TPGS1: variants seen among roughly 807,000 people sequenced by gnomAD.
TPGS1 encodes the protein tubulin polyglutamylase complex subunit 1.
In TPGS1, 18 loss-of-function variants were observed where a neutral mutation model predicts 11.9. The ratio of observed to expected loss-of-function variants is 1.51; its 90% CI spans 1.04 to 2.24. The LOEUF (loss-of-function observed/expected upper bound fraction) is 2.24, where lower values mean the gene tolerates loss of function less well. TPGS1 is among the 30% of genes most tolerant of loss of function. The pLI is 0.00. For missense variants in TPGS1, 500 were observed against 443.0 expected, an observed-to-expected ratio of 1.13 and a Z score of -1.16; for synonymous variants, 247 against 218.2, an observed-to-expected ratio of 1.13 and a Z score of -1.16.
At position 519,359 on chromosome 19, in the gene TPGS1, C is replaced by T; in HGVS notation, c.809C>T (p.Thr270Ile). ...VGGRRPSAPM[T>I]REEFLERAAA... is the part of the protein sequence containing the mutation. ...GGGCGGCGGCCCAGCGCGCCCATGA[C>T]CCGCGAGGAGTTTCTGGAGAGGGCC... The change falls in exon 2 of 2, where the codon ACC becomes ATC. Residue 270 changes from threonine (T) to isoleucine (I), a missense_variant. Physicochemically the swap from Thr to Ile is moderately conservative, Grantham distance 89. Coordinates refer to ENST00000359315, the MANE Select transcript of TPGS1 (RefSeq NM_033513.3). 8.2e-7 allele frequency: 1 copy of T among 1,213,558 alleles called. No homozygotes were observed. The highest frequency in any genetic ancestry group is 1.0e-6 in the Non-Finnish European group (1 of 975,484). The allele number at this position is 1,213,558 out of a possible 1,614,324, so 75.2% of individuals were successfully genotyped here.
rs1291903625 is a variant in TPGS1, at chr19:514,920, G to A, written c.339-3969G>A. 2.6e-5 allele frequency among the ~76,000 whole-genome samples: 4 copies of A among 152,200 alleles called. No homozygotes were observed. In the East Asian group the frequency reaches 5.8e-4, roughly 22 times the overall value. On this transcript the variant is annotated intron_variant, in intron 1 of 1. Transcript: ENST00000359315. Reference sequence around the variant, plus strand: ...CCTGGTGCCCTCCACGGGAGTGTGTGTCACACTACCAGCACACGAGTGGCA... The same window carrying A: ...CCTGGTGCCCTCCACGGGAGTGTGTATCACACTACCAGCACACGAGTGGCA...
chr19:511,653 G>A (rs952518906), intron 1 of TPGS1, among the ~76,000 whole-genome samples: 9 of 152,272 alleles, frequency 5.9e-5, no homozygotes, highest in African/African-American at 1.9e-4. Flanking sequence ...CCTGCACACC[G>A]AGGGGCCGCG....
intron 1 of TPGS1, among the ~76,000 whole-genome samples, chr19:511,930 G>T (rs1276081368): frequency 6.6e-6 from 1 of 152,154 alleles, no homozygotes; most frequent in Non-Finnish European, 1.5e-5. Flanking sequence ...GGAGTGCAGT[G>T]GCGCGATCTC....
intron 1 of TPGS1, among the ~76,000 whole-genome samples, chr19:510,716 G>A (rs146539977): frequency 6.9e-4 from 105 of 152,322 alleles, no homozygotes; most frequent in African/African-American, 2.4e-3. Context: ...GTGCAGCCCC[G>A]GAGGCCTCCT....
At chr19:512,615 G>A (rs1450440643) in intron 1 of TPGS1, among the ~76,000 whole-genome samples, 2 of 152,280 alleles carry the variant, frequency 1.3e-5, no homozygotes, top group African/African-American at 4.8e-5. Context: ...GCAAGGCCCA[G>A]AGGCTCACCC....
At position 519,302 on chromosome 19, in the gene TPGS1, G is replaced by C; in HGVS notation, c.752G>C (p.Ser251Thr). 3 of 1,188,894 alleles carry C rather than the reference G, an allele frequency of 2.5e-6. No individual in the cohort carries two copies. Among genetic ancestry groups the C allele is most frequent in the Non-Finnish European group, 2.1e-6 (2 of 961,370 alleles). 73.6% of individuals were successfully genotyped at this position (1,188,894 alleles called of 1,614,324 possible). The change falls in exon 2 of 2, where the codon AGC (serine) becomes ACC (threonine). Residue 251 changes from serine (S) to threonine (T), a missense_variant. Physicochemically the swap from Ser to Thr is moderately conservative, Grantham distance 58. Transcript: ENST00000359315. ...LEAGSRLGPD[S>T]LALALDRAVG... is the part of the protein sequence containing the mutation. ...GCCGGCTCGCGCTTGGGGCCCGACA[G>C]CCTGGCGCTGGCGCTGGACCGCGCC...
At chr19:507,915 C>A in intron 1 of TPGS1, 71 bp downstream of exon 1, 1 of 1,206,126 alleles carries the variant, frequency 8.3e-7, no homozygotes, top group Non-Finnish European at 1.1e-6. Flanking sequence ...GCGCGCGGCT[C>A]CCTACCCGCA....
chr19:512,578 G>GC (rs1414470451), intron 1 of TPGS1, among the ~76,000 whole-genome samples: 1 of 152,134 alleles, frequency 6.6e-6, no homozygotes, highest in East Asian at 1.9e-4. Context: ...AGTGGGCCAC[G>GC]CCCCCTCGCA....
chr19:518,621 G>T (rs1460155725), intron 1 of TPGS1, among the ~76,000 whole-genome samples: 2 of 131,032 alleles, frequency 1.5e-5, no homozygotes, highest in African/African-American at 3.0e-5. Context: ...CCCGGGCTGG[G>T]GATGCTTGGG....
Position 518,630 on chromosome 19 carries a change from G to C in TPGS1, c.339-259G>C, listed in dbSNP as rs576829854. Among the ~76,000 whole-genome samples, 13 of 138,964 alleles carry C rather than the reference G, an allele frequency of 9.4e-5. 1 individual carries two copies. The East Asian group carries it at 1.3e-3, about 14-fold the overall frequency. 91.2% of individuals were successfully genotyped at this position (138,964 alleles called of 152,430 possible). ...GAGAGGCCCGGGCTGGGGATGCTTG[G>C]GGGAGGAGAGGCCCGGGCTGGGGAT... On this transcript the variant is annotated intron_variant, in intron 1 of 1. Coordinates refer to ENST00000359315, the MANE Select transcript of TPGS1 (RefSeq NM_033513.3).
chr19:507,891 A>C, intron 1 of TPGS1, 47 bp downstream of exon 1: 1 of 1,263,092 alleles, frequency 7.9e-7, no homozygotes, highest in South Asian at 2.5e-5. Flanking sequence ...ATGGACTTCA[A>C]CTCCCAGCAT....
At chr19:514,597 A>G (rs1978897413) in intron 1 of TPGS1, among the ~76,000 whole-genome samples, 1 of 152,212 alleles carries the variant, frequency 6.6e-6, no homozygotes, top group South Asian at 2.1e-4. Flanking sequence ...GCCCACAGAA[A>G]GGTGAAGTCG....
At position 507,598 on chromosome 19, in the gene TPGS1, C is replaced by T; in HGVS notation, c.92C>T (p.Ala31Val). The change falls in exon 1 of 2, where the codon GCG becomes GTG. Residue 31 changes from alanine to valine, a missense_variant. Transcript: ENST00000359315. Reference sequence around the variant, plus strand: ...CAGTCGGTATCCCGGGCGGCGGGGGCGGCCGAGAGCGAGGAGGACTTCCTG... The same window carrying T: ...CAGTCGGTATCCCGGGCGGCGGGGGTGGCCGAGAGCGAGGAGGACTTCCTG... Reference protein sequence around the residue: ...GRQSVSRAAGAAESEEDFLRQ... With the variant: ...GRQSVSRAAGVAESEEDFLRQ... The T allele has an allele frequency of 2.1e-6, 3 of 1,397,430 alleles. No homozygotes were observed. The highest frequency in any genetic ancestry group is 9.4e-7 in the Non-Finnish European group (1 of 1,066,104). The allele number at this position is 1,397,430 out of a possible 1,614,324, so 86.6% of individuals were successfully genotyped here. A position where few individuals can be genotyped will look rare whatever the true frequency, so the allele number is the denominator to read the frequency against.
intron 1 of TPGS1, 77 bp downstream of exon 1, chr19:507,921 C>G: frequency 3.4e-6 from 4 of 1,160,084 alleles, no homozygotes; most frequent in Middle Eastern, 3.2e-4. Context: ...GGCTCCCTAC[C>G]CGCAGCGCCG....
intron 1 of TPGS1, among the ~76,000 whole-genome samples, chr19:517,313 C>G (rs2145834906): frequency 7.5e-6 from 1 of 132,650 alleles, no homozygotes; most frequent in East Asian, 2.2e-4. Flanking sequence ...GGCCCTGAGG[C>G]CGGTCCAGTT....
In TPGS1 at chr19:507,767, C is replaced by G. The variant is rs1435349051; in HGVS notation, c.261C>G (p.Pro87=). ...RSPVNGGAGE[P]PGQLLLQQQR... is the part of the protein sequence containing the mutation. ...CTGTAAACGGCGGCGCCGGGGAGCC[C>G]CCGGGCCAGCTCCTGCTGCAGCAGC... The change falls in exon 1 of 2, where the codon CCC becomes CCG. Residue 87 remains proline (P), a synonymous_variant. Transcript: ENST00000359315. 1 of 1,392,440 alleles carries G rather than the reference C, an allele frequency of 7.2e-7. No homozygotes were observed. The highest frequency in any genetic ancestry group is 1.5e-5 in the African/African-American group (1 of 65,948). The allele number at this position is 1,392,440 out of a possible 1,614,324, so 86.3% of individuals were successfully genotyped here. A position where few individuals can be genotyped will look rare whatever the true frequency, so the allele number is the denominator to read the frequency against.
At chr19:513,530 G>A (rs746527633) in intron 1 of TPGS1, among the ~76,000 whole-genome samples, 3 of 152,088 alleles carry the variant, frequency 2.0e-5, no homozygotes, top group African/African-American at 4.8e-5. Context: ...GGCACCCACC[G>A]TGCACCGGCC....
In TPGS1 at chr19:507,713, C is replaced by T. The variant is rs748375693; in HGVS notation, c.207C>T (p.His69=). The T allele has an allele frequency of 4.3e-6, 6 of 1,399,916 alleles. No individual in the cohort carries two copies. The highest frequency in any genetic ancestry group is 5.6e-6 in the Non-Finnish European group (6 of 1,070,892). The allele number at this position is 1,399,916 out of a possible 1,614,324, so 86.7% of individuals were successfully genotyped here. A position where few individuals can be genotyped will look rare whatever the true frequency, so the allele number is the denominator to read the frequency against. ...RPEEPIAFLA[H]YFENMGLRSP... Reference sequence around the variant, plus strand: ...AGGAGCCGATCGCCTTCCTGGCTCACTACTTCGAGAACATGGGCCTGCGCT... The same window carrying T: ...AGGAGCCGATCGCCTTCCTGGCTCATTACTTCGAGAACATGGGCCTGCGCT... The change falls in exon 1 of 2, where the codon CAC becomes CAT. Residue 69 remains histidine (H), a synonymous_variant. Coordinates refer to ENST00000359315, the MANE Select transcript of TPGS1 (RefSeq NM_033513.3).
intron 1 of TPGS1, among the ~76,000 whole-genome samples, chr19:516,105 A>G (rs559721472): frequency 6.6e-6 from 1 of 152,018 alleles, no homozygotes; most frequent in Admixed American, 6.5e-5. Context: ...AATGTTGGGC[A>G]CAGTATTTGG....
Sources: gnomAD v4.1 joint callset for allele counts (sites outside exome capture counted in the v4.1 genomes callset) on GRCh38, gnomAD v4.1.1 for gene constraint, MANE v1.5 for transcripts, NCBI Gene and HGNC (gene_info 2026-07-23, HGNC 2026-07-21) for gene names.